Variants in CUX1 observed in about 807,000 individuals in gnomAD.
CUX1 encodes the protein cut like homeobox 1.
Under a neutral mutation model 158.8 loss-of-function variants are expected in CUX1, and 31 were observed. The ratio of observed to expected loss-of-function variants is 0.20; its 90% CI spans 0.15 to 0.26. CUX1 has a LOEUF of 0.26. Ranked by LOEUF, CUX1 falls within the 10% of genes least tolerant of loss-of-function variation. CUX1 has a pLI of 1.00. For synonymous variants in CUX1, 879 were observed against 862.1 expected (o/e 1.02, Z -0.34); for missense variants, 1,589 against 2,014.6 (o/e 0.79, Z 4.04).
chr7:101,967,370 A>T (rs1056481483), intron 2 of CUX1, among the ~76,000 whole-genome samples: 4 of 152,198 alleles, frequency 2.6e-5, no homozygotes, highest in Non-Finnish European at 4.4e-5. Context: ...TTTTTCAAAG[A>T]CTAATAAAGC....
chr7:102,106,152 A>G (rs1830332212), intron 6 of CUX1, among the ~76,000 whole-genome samples: 3 of 134,168 alleles, frequency 2.2e-5, no homozygotes, highest in Non-Finnish European at 3.0e-5. Flanking sequence ...CAGTGTCGCA[A>G]TCTTGGCTCA....
intron 2 of CUX1, among the ~76,000 whole-genome samples, chr7:101,973,770 C>CTTTTTT (rs546846196): frequency 3.0e-4 from 41 of 137,320 alleles, no homozygotes; most frequent in East Asian, 1.0e-3. Context: ...TTTTCTTTTT[C>CTTTTTT]TTTTTTTTTT....
intron 4 of CUX1, among the ~76,000 whole-genome samples, chr7:102,087,708 T>C (rs1256492633): frequency 6.6e-6 from 1 of 152,348 alleles, no homozygotes; most frequent in East Asian, 1.9e-4. Flanking sequence ...TTTTGTGCAT[T>C]TTTACTGATT....
rs575822070 is a variant in CUX1, at chr7:102,140,961, C to T, written c.675-17599C>T. 2.6e-5 allele frequency among the ~76,000 whole-genome samples: 4 copies of T among 151,588 alleles called. No homozygotes were observed. The East Asian group carries it at 7.8e-4, about 30-fold the overall frequency. ...GCAATTAACCTTTCTATTTTTTTCG[C>T]TACGTCTAAGTATTGTGAACTTCCT... On this transcript the variant is annotated intron_variant, in intron 8 of 23. Transcript: ENST00000292535.
intron 3 of CUX1, among the ~76,000 whole-genome samples, chr7:102,032,561 T>G (rs1820918266): frequency 1.3e-5 from 2 of 151,940 alleles, no homozygotes; most frequent in Non-Finnish European, 2.9e-5. Flanking sequence ...CACAGCTACC[T>G]GGGAGGCTGA....
At chr7:101,892,802 A>G (rs897462082) in intron 1 of CUX1, among the ~76,000 whole-genome samples, 12 of 152,148 alleles carry the variant, frequency 7.9e-5, no homozygotes, top group Non-Finnish European at 1.8e-4. Context: ...TTAGACCATT[A>G]AAGGGCCTAA....
intron 8 of CUX1, among the ~76,000 whole-genome samples, chr7:102,131,374 C>T (rs2131305197): frequency 6.6e-6 from 1 of 152,004 alleles, no homozygotes. Context: ...GCTCAATTGG[C>T]CAGGTGCAGT....
At chr7:102,273,632 G>T in intron 15 of CUX1, 11 of 1,098,764 alleles carry the variant, frequency 1.0e-5, no homozygotes, top group Non-Finnish European at 1.2e-5. Flanking sequence ...AAAACCATTG[G>T]GTTCTCCCTG....
In CUX1 at chr7:102,249,030, A is replaced by G; in HGVS notation, c.4506A>G (p.Glu1502=). The G allele has an allele frequency of 7.4e-7, 1 of 1,356,982 alleles. No individual in the cohort carries two copies. Among genetic ancestry groups the G allele is most frequent in the Non-Finnish European group, 9.6e-7 (1 of 1,041,364 alleles). 84.1% of individuals were successfully genotyped at this position (1,356,982 alleles called of 1,614,324 possible). The change falls in exon 24 of 24, where the codon GAA becomes GAG. Residue 1502 remains glutamate, a synonymous_variant. Transcript: ENST00000292535. ...EKAASREEPI[E]WEF ...CCGCCAGCCGGGAGGAACCTATCGA[A>G]TGGGAGTTCTGAGGGGCCGCGGCCC...
chr7:101,821,466 G>T (rs1189074249), intron 1 of CUX1, among the ~76,000 whole-genome samples: 2 of 151,364 alleles, frequency 1.3e-5, no homozygotes, highest in African/African-American at 4.9e-5. Context: ...AGCCTCCCGA[G>T]TAGCTGGGAC....
chr7:102,257,005 A>C lies in CUX1; in HGVS notation c.*7963A>C. 4.1e-6 allele frequency: 4 copies of C among 985,422 alleles called. No homozygotes were observed. Among genetic ancestry groups the C allele is most frequent in the Non-Finnish European group, 4.8e-6 (4 of 829,934 alleles). 61.0% of individuals were successfully genotyped at this position (985,422 alleles called of 1,614,324 possible). ...GGCCCCTTTCCCCTATAGGTGGTTC[A>C]ACGTGGAGGAAGGTTGGGTGTGGAG... On this transcript the variant is annotated 3_prime_UTR_variant, in exon 24 of 24. Coordinates refer to ENST00000292535, the MANE Select transcript of CUX1 (RefSeq NM_181552.4).
At chr7:101,880,527 T>G (rs565327912) in intron 1 of CUX1, among the ~76,000 whole-genome samples, 1 of 152,220 alleles carries the variant, frequency 6.6e-6, no homozygotes, top group East Asian at 1.9e-4. Flanking sequence ...TGAAATCTCC[T>G]AGGAAAGGAC....
chr7:102,111,988 G>C, intron 7 of CUX1: 1 of 503,318 alleles, frequency 2.0e-6, no homozygotes, highest in South Asian at 2.7e-5. Flanking sequence ...GAGGTGGGAG[G>C]ATCTCGATTC....
chr7:101,978,759 T>C (rs1813039144), intron 2 of CUX1, among the ~76,000 whole-genome samples: 1 of 152,224 alleles, frequency 6.6e-6, no homozygotes, highest in African/African-American at 2.4e-5. Flanking sequence ...CTTCTTCCAC[T>C]TTCTTCCACC....
upstream of CUX1, chr7:101,817,610 C>T: frequency 1.9e-6 from 3 of 1,539,662 alleles, no homozygotes; most frequent in Middle Eastern, 1.8e-4. The surrounding 1 kb of genome is among the most constrained non-coding windows in gnomAD (Gnocchi z 4.1). Context: ...GCCCGCGGCG[C>T]CGGGACAGCC....
intron 2 of CUX1, among the ~76,000 whole-genome samples, chr7:102,003,334 A>C (rs531934810): frequency 8.2e-5 from 12 of 146,654 alleles, no homozygotes; most frequent in African/African-American, 3.1e-4. Context: ...ACACACACAC[A>C]CGCCCGCCCC....
chr7:101,858,942 A>T (rs1427263478), intron 1 of CUX1, among the ~76,000 whole-genome samples: 1 of 152,214 alleles, frequency 6.6e-6, no homozygotes, highest in Non-Finnish European at 1.5e-5. Flanking sequence ...TGGCTGTTTA[A>T]TCACAAGAAA....
intron 12 of CUX1, among the ~76,000 whole-genome samples, chr7:102,190,895 C>T (rs1794200507): frequency 6.6e-6 from 1 of 152,174 alleles, no homozygotes; most frequent in South Asian, 2.1e-4. Flanking sequence ...GCTGTCCCAT[C>T]AGCCCCTTTC....
Position 102,246,523 on chromosome 7 carries a change from C to T in CUX1, c.3888-1889C>T, listed in dbSNP as rs574977715. On this transcript the variant is annotated intron_variant, in intron 23 of 23. Transcript: ENST00000292535. ...ACAGTAGGATCTTCCCCAGGGGAGT[C>T]CCCACAGTCAGCACAGGACCCGGCG... Among the ~76,000 whole-genome samples the T allele has an allele frequency of 1.4e-4, 22 of 152,258 alleles. No homozygotes were observed. In the South Asian group the frequency reaches 3.5e-3, roughly 24 times the overall value.
Sources: allele counts gnomAD v4.1 joint callset (sites outside exome capture counted in the v4.1 genomes callset), GRCh38; gene constraint gnomAD v4.1.1; non-coding constraint Gnocchi (gnomAD v3.1); transcripts MANE v1.5; gene names NCBI Gene and HGNC (gene_info 2026-07-23, HGNC 2026-07-21).